The following PTCHD1 variants were observed in gnomAD, a reference collection of about 807,000 sequenced individuals.
PTCHD1 encodes the protein patched domain containing 1.
PTCHD1 carries 3 observed loss-of-function variants against 34.6 expected under a neutral mutation model. That is an observed-to-expected ratio of 0.09 (90% confidence interval 0.04 to 0.22). The LOEUF (loss-of-function observed/expected upper bound fraction) is 0.22, where lower values mean the gene tolerates loss of function less well. Among genes scored for constraint, PTCHD1 ranks in the 10% least tolerant of loss-of-function variants. The pLI is 1.00. For synonymous variants in PTCHD1, 305 were observed against 283.1 expected (o/e 1.08, Z -0.77); for missense variants, 504 against 685.5 (o/e 0.74, Z 2.96).
At chrX:23,387,658 C>T (rs892412850) in intron 2 of PTCHD1, among the ~76,000 whole-genome samples, 2 of 111,769 alleles carry the variant, frequency 1.8e-5, no homozygotes, top group African/African-American at 6.5e-5. Context: ...CCCTGCTGGC[C>T]TGACAAAAAC....
At chrX:23,374,993 C>G (rs1922372012) in intron 1 of PTCHD1, among the ~76,000 whole-genome samples, 1 of 112,092 alleles carries the variant, frequency 8.9e-6, no homozygotes, top group Non-Finnish European at 1.9e-5. Context: ...AAAACTTTTT[C>G]TTACTGGATT....
chrX:23,372,805 C>G (rs1435503994), intron 1 of PTCHD1, among the ~76,000 whole-genome samples: 1 of 112,011 alleles, frequency 8.9e-6, no homozygotes, highest in Non-Finnish European at 1.9e-5. Flanking sequence ...ACTCTTCACC[C>G]ACAAGCTAGC....
At chrX:23,353,414 C>G (rs929765731) in intron 1 of PTCHD1, among the ~76,000 whole-genome samples, 1 of 112,265 alleles carries the variant, frequency 8.9e-6, no homozygotes, top group African/African-American at 3.2e-5. Flanking sequence ...TGGAGAAACC[C>G]CGTCTCTACT....
intron 1 of PTCHD1, among the ~76,000 whole-genome samples, chrX:23,347,930 A>T (rs1351259536): frequency 3.6e-5 from 4 of 111,665 alleles, no homozygotes; most frequent in African/African-American, 1.3e-4. Flanking sequence ...GGGTCATTTG[A>T]CCCCAGGAGT....
In PTCHD1 at chrX:23,401,361, A is replaced by T. The variant is rs932350444; in HGVS notation, c.*7176A>T. On this transcript the variant is annotated 3_prime_UTR_variant, in exon 3 of 3. Transcript: ENST00000379361. Reference sequence around the variant, plus strand: ...TTGAACATGTTTAGCTCAGCCTTTCAGATATTTATTCTTTAAATTACCATC... The same window carrying T: ...TTGAACATGTTTAGCTCAGCCTTTCTGATATTTATTCTTTAAATTACCATC... 1 of 112,170 alleles carries T rather than the reference A, an allele frequency of 8.9e-6. No homozygotes were observed. The highest frequency in any genetic ancestry group is 1.9e-5 in the Non-Finnish European group (1 of 53,238). The allele number at this position is 112,170 out of a possible 1,213,427, so 9.2% of individuals were successfully genotyped here.
intron 2 of PTCHD1, among the ~76,000 whole-genome samples, chrX:23,391,208 A>G (rs1246813082): frequency 8.9e-6 from 1 of 111,805 alleles, no homozygotes; most frequent in Non-Finnish European, 1.9e-5. Context: ...CTGAAATACT[A>G]AACCAGGAGG....
rs757712539 is a variant in PTCHD1, at chrX:23,373,760, G to T, written c.352-5831G>T. Among the ~76,000 whole-genome samples the T allele has an allele frequency of 6.3e-5, 7 of 111,978 alleles. No homozygotes were observed. In the Admixed American group the frequency reaches 6.6e-4, roughly 11 times the overall value. On this transcript the variant is annotated intron_variant, in intron 1 of 2. Coordinates refer to ENST00000379361, the MANE Select transcript of PTCHD1 (RefSeq NM_173495.3). ...AGGTGTTTTCTTGCGTCCTGAGTGA[G>T]GATACCTTGCCAGTTAGCACCTGCC...
At chrX:23,343,460 T>A (rs1202207316) in intron 1 of PTCHD1, among the ~76,000 whole-genome samples, 1 of 111,754 alleles carries the variant, frequency 8.9e-6, no homozygotes, top group East Asian at 2.8e-4. Flanking sequence ...CCTTATTTAC[T>A]TAAAGAAAAG....
chrX:23,357,735 G>A (rs967415432), intron 1 of PTCHD1, among the ~76,000 whole-genome samples: 3 of 111,364 alleles, frequency 2.7e-5, no homozygotes, highest in African/African-American at 9.8e-5. Flanking sequence ...AGGTATACAC[G>A]TGACATGCTG....
At chrX:23,335,476 GGGC>G (rs1291311849) in intron 1 of PTCHD1, among the ~76,000 whole-genome samples, 3 of 113,411 alleles carry the variant, frequency 2.6e-5, no homozygotes, top group Non-Finnish European at 5.6e-5. Flanking sequence ...GCAACAGTTG[GGGC>G]GGCGGCGGCC....
At chrX:23,355,044 A>C (rs1601906037) in intron 1 of PTCHD1, among the ~76,000 whole-genome samples, 1 of 73,389 alleles carries the variant, frequency 1.4e-5, no homozygotes, top group Non-Finnish European at 2.7e-5. Context: ...GGGAGGGGGG[A>C]GGGAGAAGCC....
At position 23,403,932 on chromosome X, in the gene PTCHD1, G is replaced by C. The variant is rs1235749345; in HGVS notation, c.*9747G>C. The C allele has an allele frequency of 7.2e-5, 8 of 111,594 alleles. No homozygotes were observed. The highest frequency in any genetic ancestry group is 2.6e-4 in the African/African-American group (8 of 30,648). 9.2% of individuals were successfully genotyped at this position (111,594 alleles called of 1,213,427 possible). On this transcript the variant is annotated 3_prime_UTR_variant, in exon 3 of 3. Coordinates refer to ENST00000379361, the MANE Select transcript of PTCHD1 (RefSeq NM_173495.3). The stretch of plus-strand genomic sequence containing the variant: ...TTTGTACTACTTGAGTTTCTCTAAT[G>C]CCTAAAATATGCATTTAAATCATCC...
intron 1 of PTCHD1, among the ~76,000 whole-genome samples, chrX:23,342,265 C>CATATATATAT (rs1921328923): frequency 1.2e-4 from 7 of 57,489 alleles, no homozygotes; most frequent in Non-Finnish European, 2.6e-4. Context: ...TGTGTTTCTC[C>CATATATATAT]CTATATATAT....
chrX:23,334,790 C>T (rs1202086297), upstream of PTCHD1: 7 of 326,710 alleles, frequency 2.1e-5, no homozygotes, highest in Non-Finnish European at 2.8e-5. Context: ...GCGCCGCTGC[C>T]GCCGCCGCCG....
chrX:23,377,350 A>G (rs1247745618), intron 1 of PTCHD1, among the ~76,000 whole-genome samples: 3 of 112,090 alleles, frequency 2.7e-5, no homozygotes, highest in African/African-American at 9.7e-5. Context: ...TTGTCTTTAA[A>G]TTCCTCTAAG....
intron 1 of PTCHD1, among the ~76,000 whole-genome samples, chrX:23,341,561 T>C (rs753348723): frequency 3.6e-4 from 40 of 111,942 alleles, no homozygotes; most frequent in Non-Finnish European, 6.4e-4. Flanking sequence ...ACCTGCTTGA[T>C]AGCACATCAC....
rs1262067711 is a variant in PTCHD1 at position 23,399,104 on chromosome X, T to C, written c.*4919T>C. 1 of 111,828 alleles carries C rather than the reference T, an allele frequency of 8.9e-6. No individual in the cohort carries two copies. The highest frequency in any genetic ancestry group is 1.9e-5 in the Non-Finnish European group (1 of 53,260). The allele number at this position is 111,828 out of a possible 1,213,427, so 9.2% of individuals were successfully genotyped here. On this transcript the variant is annotated 3_prime_UTR_variant, in exon 3 of 3. Transcript: ENST00000379361. ...TGGAAGAAGTGATGTTCTTGTGGAATGTGCCAGCAGCTTCTCCTTCCAGAA... is the reference window on the plus strand; with the variant it reads ...TGGAAGAAGTGATGTTCTTGTGGAACGTGCCAGCAGCTTCTCCTTCCAGAA...
At chrX:23,379,569 C>G in intron 1 of PTCHD1, 22 bp from the exon 2 acceptor site, 3 of 1,206,010 alleles carry the variant, frequency 2.5e-6, no homozygotes, top group Non-Finnish European at 3.4e-6. Context: ...TTAATAAATG[C>G]TGTCATTTTT....
intron 2 of PTCHD1, among the ~76,000 whole-genome samples, chrX:23,383,799 G>A (rs1312403225): frequency 8.9e-6 from 1 of 112,112 alleles, no homozygotes; most frequent in African/African-American, 3.2e-5. Context: ...CTAATTTGGA[G>A]AAGAGTTTAT....
Sources: gnomAD v4.1 joint callset for allele counts (sites outside exome capture counted in the v4.1 genomes callset) on GRCh38, gnomAD v4.1.1 for gene constraint, MANE v1.5 for transcripts, NCBI Gene and HGNC (gene_info 2026-07-23, HGNC 2026-07-21) for gene names.